HS6ST3: variants seen among roughly 807,000 people sequenced by gnomAD.
HS6ST3 encodes heparan sulfate 6-O-sulfotransferase 3, also known as heparan-sulfate 6-O-sulfotransferase 3.
HS6ST3 carries 12 observed loss-of-function variants against 36.7 expected under a neutral mutation model. The observed-to-expected ratio is 0.33, with a 90% CI of 0.21 to 0.53. The LOEUF (loss-of-function observed/expected upper bound fraction) is 0.53. HS6ST3 is among the 20% of genes least tolerant of loss of function. The pLI is 0.95. For synonymous variants in HS6ST3, 240 were observed against 257.5 expected, an observed-to-expected ratio of 0.93 and a Z score of 0.65; for missense variants, 584 against 640.9, an observed-to-expected ratio of 0.91 and a Z score of 0.96.
chr13:96,255,061 G>A (rs2139379922), intron 1 of HS6ST3, among the ~76,000 whole-genome samples: 1 of 152,258 alleles, frequency 6.6e-6, no homozygotes, highest in Middle Eastern at 3.4e-3. Flanking sequence ...CTTACTTTTG[G>A]AAATATACTT....
At chr13:96,750,401 T>G (rs1455670761) in intron 1 of HS6ST3, among the ~76,000 whole-genome samples, 2 of 152,198 alleles carry the variant, frequency 1.3e-5, no homozygotes, top group African/African-American at 4.8e-5. Flanking sequence ...CCTTCCTCAC[T>G]GGGTGAAGGA....
intron 1 of HS6ST3, among the ~76,000 whole-genome samples, chr13:96,218,705 G>T (rs898744477): frequency 6.6e-6 from 1 of 152,150 alleles, no homozygotes; most frequent in Non-Finnish European, 1.5e-5. Flanking sequence ...CAGCGTCAGA[G>T]CACTCTGTCT....
At chr13:96,418,966 C>A (rs1178702858) in intron 1 of HS6ST3, among the ~76,000 whole-genome samples, 1 of 152,216 alleles carries the variant, frequency 6.6e-6, no homozygotes, top group African/African-American at 2.4e-5. Flanking sequence ...CTTTGGAAGT[C>A]TAAAGCTCAG....
At chr13:96,404,824 A>C (rs1490130360) in intron 1 of HS6ST3, among the ~76,000 whole-genome samples, 1 of 152,150 alleles carries the variant, frequency 6.6e-6, no homozygotes, top group East Asian at 1.9e-4. Context: ...TCCCCACCCA[A>C]ATCTCATCTT....
rs58866585 is a variant in HS6ST3, at chr13:96,322,400, A to AAAT, written c.707+230832_707+230833insATA. Among the ~76,000 whole-genome samples the AAAT allele has an allele frequency of 2.6e-3, 365 of 140,572 alleles. 12 individuals carry two copies. Among genetic ancestry groups the AAAT allele is most frequent in the Middle Eastern group, 7.7e-3 (2 of 260 alleles). The allele number at this position is 140,572 out of a possible 152,430, so 92.2% of individuals were successfully genotyped here. A position where few individuals can be genotyped will look rare whatever the true frequency, so the allele number is the denominator to read the frequency against. ...TCTCTCCAGAAAAAAAAAAAAAAAAAACAAGCATTATCCAGGTGTGGTGGT... is the reference window on the plus strand; with the variant it reads ...TCTCTCCAGAAAAAAAAAAAAAAAAAAATACAAGCATTATCCAGGTGTGGTGGT... On this transcript the variant is annotated intron_variant, in intron 1 of 1. Transcript: ENST00000376705.
chr13:96,390,557 G>A (rs946020098), intron 1 of HS6ST3, among the ~76,000 whole-genome samples: 1 of 152,134 alleles, frequency 6.6e-6, no homozygotes, highest in African/African-American at 2.4e-5. Context: ...TTGTTCATAA[G>A]CTATGCATTT....
At chr13:96,469,583 G>T (rs2055830862) in intron 1 of HS6ST3, among the ~76,000 whole-genome samples, 1 of 152,122 alleles carries the variant, frequency 6.6e-6, no homozygotes, top group African/African-American at 2.4e-5. Flanking sequence ...CCAGAACTTG[G>T]TTGCCATTCA....
intron 1 of HS6ST3, among the ~76,000 whole-genome samples, chr13:96,449,150 C>T (rs2055714756): frequency 6.6e-6 from 1 of 152,052 alleles, no homozygotes; most frequent in Non-Finnish European, 1.5e-5. Context: ...TTCATTGAGA[C>T]CAGATCTCAC....
chr13:96,245,955 A>ATTATTAT (rs1566300068), intron 1 of HS6ST3, among the ~76,000 whole-genome samples: 1 of 152,180 alleles, frequency 6.6e-6, no homozygotes, highest in East Asian at 1.9e-4. Context: ...AATATGTTAA[A>ATTATTAT]TTATTATTTT....
At chr13:96,363,106 G>A (rs1015253138) in intron 1 of HS6ST3, among the ~76,000 whole-genome samples, 2 of 152,024 alleles carry the variant, frequency 1.3e-5, no homozygotes, top group African/African-American at 4.8e-5. Flanking sequence ...ACCTATACAT[G>A]TGATCGAATT....
chr13:96,398,777 G>A (rs1410265), intron 1 of HS6ST3, among the ~76,000 whole-genome samples: 77,123 of 152,022 alleles, frequency 0.51, 19,903 homozygotes, highest in Middle Eastern at 0.6. Flanking sequence ...GGACAGAAGC[G>A]CTGTCCCTCC....
chr13:96,727,920 A>G (rs1566439533), intron 1 of HS6ST3, among the ~76,000 whole-genome samples: 1 of 152,192 alleles, frequency 6.6e-6, no homozygotes, highest in African/African-American at 2.4e-5. Context: ...CCATTTCCCC[A>G]GGAATATCCC....
chr13:96,505,663 C>A (rs923311481), intron 1 of HS6ST3, among the ~76,000 whole-genome samples: 1 of 152,122 alleles, frequency 6.6e-6, no homozygotes, highest in Non-Finnish European at 1.5e-5. Context: ...AAGACAACTT[C>A]ACATGGGTAG....
At chr13:96,229,220 C>T (rs1052773469) in intron 1 of HS6ST3, among the ~76,000 whole-genome samples, 29 of 152,162 alleles carry the variant, frequency 1.9e-4, no homozygotes, top group Non-Finnish European at 2.1e-4. Context: ...TGGGGCCTAT[C>T]ACTTTGGTGC....
chr13:96,136,555 G>A (rs1428392661), intron 1 of HS6ST3, among the ~76,000 whole-genome samples: 2 of 151,788 alleles, frequency 1.3e-5, no homozygotes, highest in Admixed American at 6.6e-5. Flanking sequence ...GAACTCCACC[G>A]CCGTGAACCA....
chr13:96,627,292 GT>G (rs1055989493), intron 1 of HS6ST3, among the ~76,000 whole-genome samples: 17 of 151,978 alleles, frequency 1.1e-4, no homozygotes, highest in African/African-American at 4.1e-4. Context: ...AAACGATCAA[GT>G]TTTTCTCCTT....
intron 1 of HS6ST3, among the ~76,000 whole-genome samples, chr13:96,649,653 T>G (rs2056600731): frequency 6.6e-6 from 1 of 152,072 alleles, no homozygotes; most frequent in Non-Finnish European, 1.5e-5. Flanking sequence ...TACTGTATCC[T>G]GATGGGACTA....
chr13:96,521,149 T>C (rs1184639286), intron 1 of HS6ST3, among the ~76,000 whole-genome samples: 1 of 152,166 alleles, frequency 6.6e-6, no homozygotes, highest in Non-Finnish European at 1.5e-5. Flanking sequence ...TGATGAATTA[T>C]GTTTATTGAT....
At chr13:96,239,000 A>G (rs1196499466) in intron 1 of HS6ST3, among the ~76,000 whole-genome samples, 1 of 152,168 alleles carries the variant, frequency 6.6e-6, no homozygotes, top group African/African-American at 2.4e-5. Context: ...TGACAAAATG[A>G]TTGTATCTTC....
Sources: allele counts gnomAD v4.1 joint callset (sites outside exome capture counted in the v4.1 genomes callset), GRCh38; gene constraint gnomAD v4.1.1; transcripts MANE v1.5; gene names NCBI Gene and HGNC (gene_info 2026-07-23, HGNC 2026-07-21).